ALK: variants seen among roughly 807,000 people sequenced by gnomAD.
ALK encodes the protein ALK receptor tyrosine kinase.
ALK carries 74 observed loss-of-function variants against 163.1 expected under a neutral mutation model. The observed-to-expected ratio is 0.45, with a 90% CI of 0.38 to 0.55. ALK has a LOEUF of 0.55. ALK is among the 20% of genes least tolerant of loss of function. The pLI, the probability that ALK is intolerant of heterozygous loss-of-function variation, is 0.00. For missense variants in ALK, 2,063 were observed against 2,105.3 expected, an observed-to-expected ratio of 0.98 and a Z score of 0.39; for synonymous variants, 960 against 843.2, an observed-to-expected ratio of 1.14 and a Z score of -2.40.
intron 3 of ALK, among the ~76,000 whole-genome samples, chr2:29,604,525 G>A (rs1675485074): frequency 6.6e-6 from 1 of 152,144 alleles, no homozygotes; most frequent in Non-Finnish European, 1.5e-5. Flanking sequence ...CCCTCAGCAG[G>A]TTTTCTAGGT....
At chr2:29,595,430 C>T (rs1675184769) in intron 3 of ALK, among the ~76,000 whole-genome samples, 1 of 151,306 alleles carries the variant, frequency 6.6e-6, no homozygotes, top group African/African-American at 2.4e-5. Context: ...ACGCCATTGT[C>T]CTGCCTCAGC....
At chr2:29,755,180 C>T (rs755761132) in intron 1 of ALK, among the ~76,000 whole-genome samples, 43 of 152,188 alleles carry the variant, frequency 2.8e-4, no homozygotes, top group Non-Finnish European at 4.9e-4. Flanking sequence ...CAGAAGCTGG[C>T]GACCAGCACT....
At chr2:29,293,844 T>TATATTTCAGGTAACAGCCAGGG (rs6146694) in intron 9 of ALK, among the ~76,000 whole-genome samples, 3 of 152,054 alleles carry the variant, frequency 2.0e-5, no homozygotes, top group Non-Finnish European at 2.9e-5. Context: ...TGGTCAGATT[T>TATATTTCAGGTAACAGCCAGGG]CCAATACCGT....
chr2:29,475,667 C>T (rs1478929478), intron 4 of ALK, among the ~76,000 whole-genome samples: 2 of 152,154 alleles, frequency 1.3e-5, no homozygotes, highest in African/African-American at 4.8e-5. Flanking sequence ...CCCCCTGGGG[C>T]CAATCTCCCT....
intron 4 of ALK, among the ~76,000 whole-genome samples, chr2:29,394,980 A>AG (rs1669269080): frequency 6.6e-6 from 1 of 151,824 alleles, no homozygotes; most frequent in African/African-American, 2.4e-5. Flanking sequence ...GTCTGCCTCC[A>AG]GCTTGAGGCC....
At chr2:29,768,743 G>GTGTGTGTGTGTATATA (rs373708982) in intron 1 of ALK, among the ~76,000 whole-genome samples, 22 of 150,678 alleles carry the variant, frequency 1.5e-4, no homozygotes, top group African/African-American at 4.4e-4. Context: ...GTGTGTGTGT[G>GTGTGTGTGTGTATATA]TATATATGTA....
intron 4 of ALK, among the ~76,000 whole-genome samples, chr2:29,449,746 G>A (rs1670776385): frequency 6.6e-6 from 1 of 152,238 alleles, no homozygotes; most frequent in Non-Finnish European, 1.5e-5. Flanking sequence ...CATCTGTTCT[G>A]TAGAGGCATG....
At chr2:29,839,488 G>A (rs993531314) in intron 1 of ALK, among the ~76,000 whole-genome samples, 2 of 152,012 alleles carry the variant, frequency 1.3e-5, no homozygotes, top group Non-Finnish European at 2.9e-5. Flanking sequence ...GGATAATTGC[G>A]GCAATTTTCT....
chr2:29,643,803 C>T (rs544305393), intron 3 of ALK, among the ~76,000 whole-genome samples: 202 of 152,148 alleles, frequency 1.3e-3, no homozygotes, highest in African/African-American at 4.5e-3. Flanking sequence ...GTTGGTGGGA[C>T]GGTAAACTAG....
chr2:29,847,427 AG>A (rs1185206019), intron 1 of ALK, among the ~76,000 whole-genome samples: 1 of 152,174 alleles, frequency 6.6e-6, no homozygotes, highest in East Asian at 1.9e-4. Context: ...TTTTAATAAA[AG>A]CAACTTGCTG....
intron 26 of ALK, among the ~76,000 whole-genome samples, chr2:29,204,096 A>G (rs1217590997): frequency 1.3e-5 from 2 of 152,162 alleles, no homozygotes; most frequent in African/African-American, 4.8e-5. Flanking sequence ...AAATTTTTAA[A>G]TAATAAGATT....
rs754334722 is a variant in ALK at position 29,227,442 on chromosome 2, T to C, written c.2914+132A>G. On this transcript the variant is annotated intron_variant, in intron 17 of 28. Coordinates refer to ENST00000389048, the MANE Select transcript of ALK (RefSeq NM_004304.5). The surrounding 1 kb of genome is among the most constrained non-coding windows in gnomAD (Gnocchi z 4.4). ...CTGGAAAATGTGGTGACCTGCGCCA[T>C]AGGAAGCTTGCCTGCCAGGGACCCA... 6.6e-4 allele frequency: 568 copies of C among 855,118 alleles called. 1 individual carries two copies. The highest frequency in any genetic ancestry group is 1.0e-3 in the Non-Finnish European group (506 of 493,314). 53.0% of individuals were successfully genotyped at this position (855,118 alleles called of 1,614,324 possible). A position where few individuals can be genotyped will look rare whatever the true frequency, so the allele number is the denominator to read the frequency against.
At chr2:29,684,573 G>A (rs1461984074) in intron 3 of ALK, among the ~76,000 whole-genome samples, 4 of 152,194 alleles carry the variant, frequency 2.6e-5, no homozygotes, top group Non-Finnish European at 1.5e-5. Context: ...CTGCAAAGAA[G>A]ACACAGGTGA....
intron 4 of ALK, among the ~76,000 whole-genome samples, chr2:29,470,049 A>G (rs1368044056): frequency 6.6e-6 from 1 of 152,230 alleles, no homozygotes; most frequent in African/African-American, 2.4e-5. Context: ...GGAATTTATA[A>G]GAATCAAATG....
chr2:29,680,135 T>C (rs191744438), intron 3 of ALK, among the ~76,000 whole-genome samples: 4 of 152,002 alleles, frequency 2.6e-5, no homozygotes, highest in African/African-American at 4.8e-5. Flanking sequence ...TTTAACAATA[T>C]GATGATGATA....
At chr2:29,641,743 T>C (rs1676708527) in intron 3 of ALK, among the ~76,000 whole-genome samples, 1 of 152,164 alleles carries the variant, frequency 6.6e-6, no homozygotes, top group African/African-American at 2.4e-5. Flanking sequence ...ATTATATAGA[T>C]GATCTAGTTA....
At chr2:29,445,439 G>C (rs780800561) in intron 4 of ALK, among the ~76,000 whole-genome samples, 2 of 152,180 alleles carry the variant, frequency 1.3e-5, no homozygotes, top group Non-Finnish European at 2.9e-5. Flanking sequence ...GCTGGGTAAC[G>C]CTCTTCCAGA....
intron 11 of ALK, among the ~76,000 whole-genome samples, chr2:29,271,868 G>C (rs1360766195): frequency 6.6e-6 from 1 of 152,212 alleles, no homozygotes; most frequent in Non-Finnish European, 1.5e-5. Flanking sequence ...TGATGCCAAG[G>C]CTCCATAGTT....
At chr2:29,465,648 T>G (rs1671193757) in intron 4 of ALK, among the ~76,000 whole-genome samples, 1 of 151,964 alleles carries the variant, frequency 6.6e-6, no homozygotes, top group African/African-American at 2.4e-5. Flanking sequence ...GAGCTGAGAT[T>G]GTGCCACTAC....
Sources: gnomAD v4.1 joint callset for allele counts (sites outside exome capture counted in the v4.1 genomes callset) on GRCh38, gnomAD v4.1.1 for gene constraint, Gnocchi (gnomAD v3.1) non-coding constraint, MANE v1.5 for transcripts, NCBI Gene and HGNC (gene_info 2026-07-23, HGNC 2026-07-21) for gene names.